Variants in TXNDC12 observed in about 807,000 individuals in gnomAD.
TXNDC12 encodes the protein thioredoxin domain containing 12.
TXNDC12 carries 22 observed loss-of-function variants against 24.2 expected under a neutral mutation model. That is an observed-to-expected ratio of 0.91 (90% CI 0.65 to 1.30). The LOEUF (loss-of-function observed/expected upper bound fraction) is 1.30, where lower values mean the gene tolerates loss of function less well. TXNDC12 is among the 50% of genes most tolerant of loss of function. The probability of loss-of-function intolerance (pLI) is 0.00; values close to 1 mark genes in which losing one functional copy is unlikely to be tolerated. For synonymous variants in TXNDC12, 58 were observed against 73.4 expected, an observed-to-expected ratio of 0.79 and a Z score of 1.07; for missense variants, 184 against 205.8, an observed-to-expected ratio of 0.89 and a Z score of 0.65.
At position 52,051,521 on chromosome 1, in the gene TXNDC12, G is replaced by A. The variant is rs377190875; in HGVS notation, c.97+3479C>T. On this transcript the variant is annotated intron_variant, in intron 1 of 6. Coordinates refer to ENST00000371626, the MANE Select transcript of TXNDC12 (RefSeq NM_015913.4). The stretch of plus-strand genomic sequence containing the variant: ...CTCCCGAGTAGCTAGGATTACAGGC[G>A]TGTGCCACCACGCCTGGCTAATTTT... 9.2e-5 allele frequency among the ~76,000 whole-genome samples: 14 copies of A among 152,222 alleles called. 1 individual carries two copies. Among genetic ancestry groups the A allele is most frequent in the African/African-American group, 2.4e-4 (10 of 41,540 alleles).
At chr1:52,044,351 CAA>C (rs1373007848) in intron 1 of TXNDC12, 1 of 152,218 alleles carries the variant, frequency 6.6e-6, no homozygotes, top group Non-Finnish European at 1.5e-5. Context: ...ACACAACCCT[CAA>C]AAGAGACTAA....
chr1:52,021,164 C>A, intron 6 of TXNDC12, 152 bp from the exon 7 acceptor site: 5 of 600,960 alleles, frequency 8.3e-6, no homozygotes, highest in Non-Finnish European at 1.5e-5. Flanking sequence ...CCTGGCAAGT[C>A]ATTTATCTCT....
chr1:52,033,759 C>T, intron 2 of TXNDC12: 1 of 1,594,218 alleles, frequency 6.3e-7, no homozygotes, highest in Non-Finnish European at 8.6e-7. Flanking sequence ...CCACGAGCGG[C>T]ATCCTCTCAG....
chr1:52,033,576 C>T, intron 2 of TXNDC12: 1 of 1,613,682 alleles, frequency 6.2e-7, no homozygotes, highest in Non-Finnish European at 8.5e-7. Context: ...CGGAGGCTCG[C>T]AGAGCTCCAC....
intron 3 of TXNDC12, among the ~76,000 whole-genome samples, chr1:52,027,831 CTAT>C (rs949994394): frequency 1.2e-4 from 18 of 149,558 alleles, no homozygotes; most frequent in African/African-American, 1.7e-4. Context: ...ACATACATTC[CTAT>C]TATTATTATT....
chr1:52,030,452 C>T (rs1225733392), intron 2 of TXNDC12: 1 of 152,220 alleles, frequency 6.6e-6, no homozygotes, highest in Non-Finnish European at 1.5e-5. Context: ...ATCCAGAATC[C>T]ATGGTTAGAC....
intron 2 of TXNDC12, among the ~76,000 whole-genome samples, chr1:52,029,639 T>G (rs900419082): frequency 2.0e-5 from 3 of 152,240 alleles, no homozygotes; most frequent in African/African-American, 7.2e-5. Context: ...GACTTGGAGA[T>G]TCCTAAGACA....
At chr1:52,040,947 ATTGC>A (rs1158257997) in intron 2 of TXNDC12, among the ~76,000 whole-genome samples, 2 of 151,126 alleles carry the variant, frequency 1.3e-5, no homozygotes, top group East Asian at 3.9e-4. Flanking sequence ...CTTGACAAGA[ATTGC>A]TTGAACCTGG....
At chr1:52,042,772 G>A (rs576660262) in intron 1 of TXNDC12, among the ~76,000 whole-genome samples, 54 of 152,248 alleles carry the variant, frequency 3.5e-4, no homozygotes, top group Admixed American at 5.9e-4. Flanking sequence ...ACAGGCATGT[G>A]CCACCAAGCC....
Position 52,020,693 on chromosome 1 carries a change from A to G in TXNDC12, c.*240T>C, listed in dbSNP as rs530488783. On this transcript the variant is annotated 3_prime_UTR_variant, in exon 7 of 7. Transcript: ENST00000371626. The stretch of plus-strand genomic sequence containing the variant: ...GTTTCATTCTTTACATTCAATGACA[A>G]GTTGACATTTAGGTGAGAGGGAAAA... The G allele has an allele frequency of 6.2e-6, 3 of 482,890 alleles. No individual in the cohort carries two copies. The East Asian group carries it at 1.0e-4, about 16-fold the overall frequency. 29.9% of individuals were successfully genotyped at this position (482,890 alleles called of 1,614,324 possible). A position where few individuals can be genotyped will look rare whatever the true frequency, so the allele number is the denominator to read the frequency against.
chr1:52,028,505 G>T, intron 3 of TXNDC12, 73 bp downstream of exon 3: 1 of 1,214,660 alleles, frequency 8.2e-7, no homozygotes, highest in Non-Finnish European at 1.2e-6. Context: ...CAGAGTCAGT[G>T]CCAATATTTG....
At chr1:52,044,163 A>G (rs1686044961) in intron 1 of TXNDC12, 1 of 152,234 alleles carries the variant, frequency 6.6e-6, no homozygotes, top group Admixed American at 6.5e-5. Flanking sequence ...CTACAAAACA[A>G]TGAAATCCTA....
chr1:52,022,252 A>C (rs1685608541), intron 6 of TXNDC12, among the ~76,000 whole-genome samples: 1 of 152,172 alleles, frequency 6.6e-6, no homozygotes. Flanking sequence ...CTTAGCACAC[A>C]ACTCCCTTTC....
intron 3 of TXNDC12, among the ~76,000 whole-genome samples, chr1:52,027,698 GTA>G (rs976473243): frequency 2.7e-5 from 4 of 150,930 alleles, no homozygotes; most frequent in Admixed American, 6.6e-5. Context: ...TGCCACACGT[GTA>G]TATGTGTGTG....
chr1:52,035,716 C>CA (rs907139971), intron 2 of TXNDC12, among the ~76,000 whole-genome samples: 24 of 150,784 alleles, frequency 1.6e-4, no homozygotes, highest in African/African-American at 5.4e-4. Context: ...CTGTCTCAAA[C>CA]AAAAAAAAAG....
chr1:52,050,190 C>T (rs762041801), intron 1 of TXNDC12, among the ~76,000 whole-genome samples: 29 of 152,284 alleles, frequency 1.9e-4, no homozygotes, highest in Non-Finnish European at 3.8e-4. Context: ...GGAACACCAA[C>T]TTCAGATCTG....
intron 2 of TXNDC12, chr1:52,033,717 G>T: frequency 6.2e-7 from 1 of 1,610,184 alleles, no homozygotes; most frequent in South Asian, 1.1e-5. Flanking sequence ...CAGCACGCCG[G>T]CTCTTGCCGC....
Position 52,032,785 on chromosome 1 carries a change from A to G in TXNDC12, c.159-4155T>C, listed in dbSNP as rs764651404. ...GTTGGGATGCATTTTAGTGTACGAA[A>G]TAAACTGGCGACGAAGGCGACTCAG... On this transcript the variant is annotated intron_variant, in intron 2 of 6. Coordinates refer to ENST00000371626, the MANE Select transcript of TXNDC12 (RefSeq NM_015913.4). The G allele has an allele frequency of 8.7e-6, 14 of 1,614,230 alleles. No individual in the cohort carries two copies. In the East Asian group the frequency reaches 3.1e-4, roughly 36 times the overall value.
chr1:52,033,246 C>T (rs752739611), intron 2 of TXNDC12: 8 of 1,613,976 alleles, frequency 5.0e-6, no homozygotes, highest in African/African-American at 2.7e-5. Flanking sequence ...GCTCCAGTTC[C>T]TTGGGTACGT....
Sources: allele counts gnomAD v4.1 joint callset (sites outside exome capture counted in the v4.1 genomes callset), GRCh38; gene constraint gnomAD v4.1.1; transcripts MANE v1.5; gene names NCBI Gene and HGNC (gene_info 2026-07-23, HGNC 2026-07-21).